KIAA0825: variants seen among roughly 807,000 people sequenced by gnomAD.
The protein encoded by KIAA0825 is KIAA0825, also known as uncharacterized protein KIAA0825.
Under a neutral mutation model 147.6 loss-of-function variants are expected in KIAA0825, and 119 were observed. The observed-to-expected ratio is 0.81, with a 90% CI of 0.69 to 0.94. The LOEUF is 0.94. Ranked by LOEUF, KIAA0825 falls within the 40% of genes least tolerant of loss-of-function variation. KIAA0825 has a pLI of 0.00. For synonymous variants in KIAA0825, 470 were observed against 518.1 expected, an observed-to-expected ratio of 0.91 and a Z score of 1.26; for missense variants, 1,381 against 1,472.7, an observed-to-expected ratio of 0.94 and a Z score of 1.02.
chr5:94,231,986 AC>A (rs1193615845), intron 20 of KIAA0825, among the ~76,000 whole-genome samples: 2 of 152,104 alleles, frequency 1.3e-5, no homozygotes, highest in African/African-American at 4.8e-5. Context: ...ATCTGAGCAC[AC>A]CCTTTGAATT....
chr5:94,382,055 G>C (rs1000272007), intron 20 of KIAA0825, among the ~76,000 whole-genome samples: 1 of 152,028 alleles, frequency 6.6e-6, no homozygotes, highest in Non-Finnish European at 1.5e-5. Flanking sequence ...ATGTAGTATA[G>C]AGATAGACTA....
At chr5:94,173,764 A>G (rs1162899758) in intron 20 of KIAA0825, among the ~76,000 whole-genome samples, 1 of 152,186 alleles carries the variant, frequency 6.6e-6, no homozygotes, top group East Asian at 1.9e-4. Context: ...TACTGCTGCC[A>G]TCATCTTTAG....
chr5:94,357,171 C>T (rs968106727), intron 20 of KIAA0825, among the ~76,000 whole-genome samples: 7 of 152,172 alleles, frequency 4.6e-5, no homozygotes, highest in African/African-American at 7.2e-5. Flanking sequence ...TACAGTCCTT[C>T]GGTTAAAACG....
intron 2 of KIAA0825, among the ~76,000 whole-genome samples, chr5:94,561,866 C>T (rs538762914): frequency 6.6e-6 from 1 of 152,200 alleles, no homozygotes; most frequent in Admixed American, 6.5e-5. Flanking sequence ...TTATGAAAGG[C>T]ATTTATTTCA....
At chr5:94,519,266 A>C in intron 5 of KIAA0825, 7 of 895,510 alleles carry the variant, frequency 7.8e-6, no homozygotes, top group Non-Finnish European at 9.4e-6. Flanking sequence ...ATAGTGAGCT[A>C]TAGGAATTTT....
intron 20 of KIAA0825, among the ~76,000 whole-genome samples, chr5:94,351,495 G>T (rs956589681): frequency 6.6e-5 from 10 of 152,136 alleles, no homozygotes; most frequent in South Asian, 2.1e-4. Flanking sequence ...AATCAATTTT[G>T]TGAAAGTGAC....
chr5:94,512,831 G>A (rs961463180), intron 5 of KIAA0825, among the ~76,000 whole-genome samples: 1 of 152,138 alleles, frequency 6.6e-6, no homozygotes, highest in East Asian at 1.9e-4. Context: ...GGGAGGCGAA[G>A]GTTGCAGTGA....
chr5:94,210,226 T>G (rs541644301), intron 20 of KIAA0825, among the ~76,000 whole-genome samples: 1 of 152,148 alleles, frequency 6.6e-6, no homozygotes, highest in Non-Finnish European at 1.5e-5. Flanking sequence ...ATTAGAACAT[T>G]ACACTGAAGT....
intron 20 of KIAA0825, among the ~76,000 whole-genome samples, chr5:94,259,545 A>T (rs1193291262): frequency 6.6e-6 from 1 of 152,026 alleles, no homozygotes; most frequent in Non-Finnish European, 1.5e-5. Context: ...GATCCCTAGC[A>T]GTATTTTCCT....
At chr5:94,565,248 G>A (rs1778486058) in intron 2 of KIAA0825, among the ~76,000 whole-genome samples, 1 of 148,924 alleles carries the variant, frequency 6.7e-6, no homozygotes, top group African/African-American at 2.5e-5. Context: ...CTGTTTTTTT[G>A]CAACATCACC....
chr5:94,472,071 A>T (rs1402440903), intron 8 of KIAA0825, among the ~76,000 whole-genome samples: 1 of 152,176 alleles, frequency 6.6e-6, no homozygotes, highest in East Asian at 1.9e-4. Flanking sequence ...TATCAAGAAA[A>T]TGTATCCTTC....
chr5:94,234,563 A>G (rs987248075), intron 20 of KIAA0825, among the ~76,000 whole-genome samples: 1 of 152,212 alleles, frequency 6.6e-6, no homozygotes, highest in African/African-American at 2.4e-5. Context: ...TACAGGATGC[A>G]TGATGCTGGC....
At chr5:94,435,396 T>A (rs1562494120) in intron 14 of KIAA0825, among the ~76,000 whole-genome samples, 2 of 151,524 alleles carry the variant, frequency 1.3e-5, no homozygotes, top group African/African-American at 2.4e-5. Flanking sequence ...TTTGGCTTTC[T>A]GTTCCTGTGT....
At chr5:94,236,798 T>A (rs1187445152) in intron 20 of KIAA0825, among the ~76,000 whole-genome samples, 1 of 152,228 alleles carries the variant, frequency 6.6e-6, no homozygotes, top group African/African-American at 2.4e-5. Flanking sequence ...AAAATTATTA[T>A]GTCTTGCTGA....
intron 3 of KIAA0825, among the ~76,000 whole-genome samples, chr5:94,526,950 GT>G (rs1769411631): frequency 1.3e-5 from 2 of 152,018 alleles, no homozygotes; most frequent in South Asian, 4.1e-4. Flanking sequence ...GTGTAAAAAG[GT>G]TTTTCCTTGT....
chr5:94,283,263 A>G (rs1777537518), intron 20 of KIAA0825, among the ~76,000 whole-genome samples: 1 of 152,120 alleles, frequency 6.6e-6, no homozygotes, highest in Non-Finnish European at 1.5e-5. Flanking sequence ...GTCTTGTGAC[A>G]GATATTATTT....
chr5:94,205,527 G>A (rs550585663), intron 20 of KIAA0825, among the ~76,000 whole-genome samples: 5 of 151,856 alleles, frequency 3.3e-5, no homozygotes, highest in African/African-American at 9.6e-5. Flanking sequence ...TCCTGACCTC[G>A]TGATCCGCCC....
At chr5:94,550,904 C>A (rs1204050002) in intron 2 of KIAA0825, among the ~76,000 whole-genome samples, 1 of 149,910 alleles carries the variant, frequency 6.7e-6, no homozygotes, top group African/African-American at 2.5e-5. Flanking sequence ...CAAGGAACTA[C>A]ATAAAATGCC....
At chr5:94,589,762 TC>T (rs1784005651) in intron 1 of KIAA0825, among the ~76,000 whole-genome samples, 1 of 152,054 alleles carries the variant, frequency 6.6e-6, no homozygotes. Context: ...TCTTATTTTT[TC>T]CAGTAGTTTT....
Sources: allele counts gnomAD v4.1 joint callset (sites outside exome capture counted in the v4.1 genomes callset), GRCh38; gene constraint gnomAD v4.1.1; transcripts MANE v1.5; gene names NCBI Gene and HGNC (gene_info 2026-07-23, HGNC 2026-07-21).